PYGO1: variants seen among roughly 807,000 people sequenced by gnomAD.
The protein encoded by PYGO1 is pygopus homolog 1.
In PYGO1, 6 loss-of-function variants were observed where a neutral mutation model predicts 29.5. The observed-to-expected ratio is 0.20, with a 90% confidence interval of 0.11 to 0.40. PYGO1 has a LOEUF of 0.40. Ranked by LOEUF, PYGO1 falls within the 10% of genes least tolerant of loss-of-function variation. The probability of loss-of-function intolerance (pLI) is 1.00; values close to 1 mark genes in which losing one functional copy is unlikely to be tolerated. For missense variants in PYGO1, 515 were observed against 514.9 expected, an observed-to-expected ratio of 1.00 and a Z score of 0.00; for synonymous variants, 186 against 180.5, an observed-to-expected ratio of 1.03 and a Z score of -0.24.
rs141850036 is a variant in PYGO1 at position 55,556,001 on chromosome 15, T to C, written c.50-7006A>G. On this transcript the variant is annotated intron_variant, in intron 1 of 2. Transcript: ENST00000563719. The stretch of plus-strand genomic sequence containing the variant: ...CCCAACACAGGAGCACCCAGATTCA[T>C]ACAGCAAGTTTTTAGAGACCTACAA... Among the ~76,000 whole-genome samples, 9 of 152,126 alleles carry C rather than the reference T, an allele frequency of 5.9e-5. No individual in the cohort carries two copies. The East Asian group carries it at 1.7e-3, about 29-fold the overall frequency.
rs2058822556 is a variant in PYGO1 at position 55,540,020 on chromosome 15, AC to A, written c.*6002del. On this transcript the variant is annotated 3_prime_UTR_variant, in exon 3 of 3. Transcript: ENST00000563719. Reference sequence around the variant, plus strand: ...TACAAATTTGCATTGGCCAAGTATTACTTATTACAATTCTTTTGGGTACTTG... The same window carrying A: ...TACAAATTTGCATTGGCCAAGTATTATTATTACAATTCTTTTGGGTACTTG... 1 of 152,134 alleles carries A rather than the reference AC, an allele frequency of 6.6e-6. No individual in the cohort carries two copies. 9.4% of individuals were successfully genotyped at this position (152,134 alleles called of 1,614,324 possible). A position where few individuals can be genotyped will look rare whatever the true frequency, so the allele number is the denominator to read the frequency against.
chr15:55,570,130 C>T (rs963908130), intron 1 of PYGO1, among the ~76,000 whole-genome samples: 1 of 152,114 alleles, frequency 6.6e-6, no homozygotes, highest in African/African-American at 2.4e-5. Flanking sequence ...CATACTTAGG[C>T]CTCACTCACT....
At chr15:55,568,316 G>A (rs1036118911) in intron 1 of PYGO1, among the ~76,000 whole-genome samples, 1 of 136,090 alleles carries the variant, frequency 7.3e-6, no homozygotes, top group Admixed American at 8.2e-5. Flanking sequence ...GTATTTCCTA[G>A]GTACTGTGTG....
chr15:55,587,260 C>A (rs1454841550), intron 1 of PYGO1, among the ~76,000 whole-genome samples: 3 of 152,142 alleles, frequency 2.0e-5, no homozygotes, highest in Non-Finnish European at 2.9e-5. Context: ...ATGCATAACA[C>A]TGATTTTAGA....
In PYGO1 at chr15:55,552,121, G is replaced by A. The variant is rs138029292; in HGVS notation, c.50-3126C>T. On this transcript the variant is annotated intron_variant, in intron 1 of 2. Transcript: ENST00000563719. Reference sequence around the variant, plus strand: ...GGTAATCCCAACACTTTGGGAGGCCGAGGCAGGCAGATCACTTGAGGTCAG... The same window carrying A: ...GGTAATCCCAACACTTTGGGAGGCCAAGGCAGGCAGATCACTTGAGGTCAG... Among the ~76,000 whole-genome samples the A allele has an allele frequency of 1.3e-3, 204 of 152,054 alleles. No homozygotes were observed. In the East Asian group the frequency reaches 0.017, roughly 13 times the overall value.
At chr15:55,562,965 G>C (rs1033932948) in intron 1 of PYGO1, among the ~76,000 whole-genome samples, 11 of 151,990 alleles carry the variant, frequency 7.2e-5, no homozygotes, top group African/African-American at 2.7e-4. Context: ...GACACATTGC[G>C]GGGAACAACA....
At chr15:55,550,918 G>A (rs1377664522) in intron 1 of PYGO1, among the ~76,000 whole-genome samples, 1 of 152,184 alleles carries the variant, frequency 6.6e-6, no homozygotes, top group South Asian at 2.1e-4. Flanking sequence ...GGGGATGGGA[G>A]GTGGCGATGG....
At chr15:55,588,693 C>T, upstream of PYGO1, 5 of 1,222,998 alleles carry the variant, frequency 4.1e-6, no homozygotes, top group African/African-American at 3.1e-5. Context: ...ACCCCGCGGC[C>T]GACGCTACCG....
At position 55,546,632 on chromosome 15, in the gene PYGO1, T is replaced by C; in HGVS notation, c.651A>G (p.Glu217=). The change falls in exon 3 of 3, where the codon GAA becomes GAG. Residue 217 remains glutamate (E), a synonymous_variant. Coordinates refer to ENST00000563719, the MANE Select transcript of PYGO1 (RefSeq NM_001367806.1). ...GGGGAGGAATAAAAGAATGATTAGA[T>C]TCTAACGGAGAAGTAAAATTTGAAT... ...GNNSNFTSPL[E]SNHSFIPPPN... is the part of the protein sequence containing the mutation. 1 of 1,614,064 alleles carries C rather than the reference T, an allele frequency of 6.2e-7. No homozygotes were observed. The highest frequency in any genetic ancestry group is 1.7e-5 in the Admixed American group (1 of 59,998).
chr15:55,562,700 G>T (rs771301687), intron 1 of PYGO1, among the ~76,000 whole-genome samples: 8 of 151,496 alleles, frequency 5.3e-5, no homozygotes, highest in Non-Finnish European at 1.2e-4. Context: ...CCACACATAT[G>T]TTCAGTGCAG....
At chr15:55,549,471 G>A (rs1460637203) in intron 1 of PYGO1, among the ~76,000 whole-genome samples, 2 of 152,122 alleles carry the variant, frequency 1.3e-5, no homozygotes, top group Non-Finnish European at 2.9e-5. Flanking sequence ...TAATAGCTGA[G>A]TAGTATTCTA....
intron 1 of PYGO1, among the ~76,000 whole-genome samples, chr15:55,586,121 C>A (rs1187965744): frequency 6.6e-6 from 1 of 152,124 alleles, no homozygotes; most frequent in Non-Finnish European, 1.5e-5. Flanking sequence ...TCACATTGAA[C>A]AAAAACAAAA....
chr15:55,551,053 G>A (rs917149808), intron 1 of PYGO1, among the ~76,000 whole-genome samples: 4 of 152,192 alleles, frequency 2.6e-5, no homozygotes, highest in Non-Finnish European at 5.9e-5. Context: ...ATCTAATGCT[G>A]CTGCTGCTGA....
At chr15:55,552,183 C>T (rs1417000425) in intron 1 of PYGO1, among the ~76,000 whole-genome samples, 1 of 151,322 alleles carries the variant, frequency 6.6e-6, no homozygotes, top group Non-Finnish European at 1.5e-5. Context: ...GGCGAAACCC[C>T]GTCTCTACTA....
In PYGO1 at chr15:55,545,974, A is replaced by C; in HGVS notation, c.*49T>G. The C allele has an allele frequency of 1.4e-6, 2 of 1,478,096 alleles. No individual in the cohort carries two copies. Among genetic ancestry groups the C allele is most frequent in the Non-Finnish European group, 1.8e-6 (2 of 1,096,620 alleles). 91.6% of individuals were successfully genotyped at this position (1,478,096 alleles called of 1,614,324 possible). On this transcript the variant is annotated 3_prime_UTR_variant, in exon 3 of 3. Coordinates refer to ENST00000563719, the MANE Select transcript of PYGO1 (RefSeq NM_001367806.1). The stretch of plus-strand genomic sequence containing the variant: ...AAACATTAAAATCCTGTGTCAATGA[A>C]CTTCTGCAATGCACAGGAAAATAAA...
upstream of PYGO1, chr15:55,588,804 C>T (rs145581831): frequency 2.3e-3 from 3,774 of 1,613,784 alleles, 8 homozygotes; most frequent in Non-Finnish European, 2.7e-3. Context: ...ATGAACGTAC[C>T]ATGCGAGGAA....
chr15:55,555,528 T>G (rs1486610589), intron 1 of PYGO1, among the ~76,000 whole-genome samples: 2 of 77,706 alleles, frequency 2.6e-5, no homozygotes, highest in African/African-American at 5.3e-5. Flanking sequence ...TGGAGTGGGG[T>G]GGGGGGAGGG....
At position 55,552,901 on chromosome 15, in the gene PYGO1, G is replaced by C. The variant is rs528892067; in HGVS notation, c.50-3906C>G. ...AGGGAGCCAAGCAGCATTGTTCTGC[G>C]GGCCCCACTTCCATGGCACCTCCCA... On this transcript the variant is annotated intron_variant, in intron 1 of 2. Coordinates refer to ENST00000563719, the MANE Select transcript of PYGO1 (RefSeq NM_001367806.1). Among the ~76,000 whole-genome samples, 137 of 152,270 alleles carry C rather than the reference G, an allele frequency of 9.0e-4. 1 individual carries two copies. In the South Asian group the frequency reaches 0.028, roughly 31 times the overall value.
rs959326184 is a variant in PYGO1, at chr15:55,541,281, G to A, written c.*4742C>T. 1 of 152,118 alleles carries A rather than the reference G, an allele frequency of 6.6e-6. No individual in the cohort carries two copies. Among genetic ancestry groups the A allele is most frequent in the Non-Finnish European group, 1.5e-5 (1 of 68,042 alleles). The allele number at this position is 152,118 out of a possible 1,614,324, so 9.4% of individuals were successfully genotyped here. A position where few individuals can be genotyped will look rare whatever the true frequency, so the allele number is the denominator to read the frequency against. ...CCAAATTCCCATCACTGTACCATAA[G>A]TTGGAAGATGCAGATGTGACTTTTA... is the stretch of plus-strand genomic sequence containing the variant. On this transcript the variant is annotated 3_prime_UTR_variant, in exon 3 of 3. Coordinates refer to ENST00000563719, the MANE Select transcript of PYGO1 (RefSeq NM_001367806.1).
Sources: allele counts gnomAD v4.1 joint callset (sites outside exome capture counted in the v4.1 genomes callset), GRCh38; gene constraint gnomAD v4.1.1; transcripts MANE v1.5; gene names NCBI Gene and HGNC (gene_info 2026-07-23, HGNC 2026-07-21).